RRBP1: variants seen among roughly 807,000 people sequenced by gnomAD.
RRBP1 encodes the protein ribosome binding protein 1.
RRBP1 carries 94 observed loss-of-function variants against 165.2 expected under a neutral mutation model. The observed-to-expected ratio is 0.57, with a 90% CI of 0.48 to 0.68. The LOEUF (loss-of-function observed/expected upper bound fraction) is 0.68. RRBP1 is among the 30% of genes least tolerant of loss of function. The probability of loss-of-function intolerance (pLI) is 0.00; values close to 1 mark genes in which losing one functional copy is unlikely to be tolerated. For synonymous variants in RRBP1, 680 were observed against 714.5 expected (o/e 0.95, Z 0.77); for missense variants, 1,676 against 1,763.0 (o/e 0.95, Z 0.88).
At position 17,660,395 on chromosome 20, in the gene RRBP1, T is replaced by C; in HGVS notation, c.113A>G (p.Tyr38Cys). Residue 38 changes from tyrosine (Y) to cysteine (C), a missense_variant, in exon 3 of 25, where the codon TAT becomes TGT. Tyr to Cys is a radical substitution (Grantham distance 194, BLOSUM62 -2). Coordinates refer to ENST00000377813, the MANE Select transcript of RRBP1 (RefSeq NM_001365613.2). Reference sequence around the variant, plus strand: ...GCGCTGGTTGGCTAGGGCTTCTTCATATGACGTTTCCTTCATGGAGAAAGT... The same window carrying C: ...GCGCTGGTTGGCTAGGGCTTCTTCACATGACGTTTCCTTCATGGAGAAAGT... ...VSTFSMKETS[Y>C]EEALANQRKE... is the part of the protein sequence containing the mutation. 1 of 1,614,202 alleles carries C rather than the reference T, an allele frequency of 6.2e-7. No homozygotes were observed. The highest frequency in any genetic ancestry group is 8.5e-7 in the Non-Finnish European group (1 of 1,180,026).
intron 3 of RRBP1, among the ~76,000 whole-genome samples, chr20:17,646,036 T>C (rs1006686096): frequency 3.9e-5 from 6 of 152,082 alleles, no homozygotes; most frequent in Non-Finnish European, 8.8e-5. Flanking sequence ...CAGACCTCTG[T>C]CTGGCAGGGG....
intron 3 of RRBP1, among the ~76,000 whole-genome samples, chr20:17,650,732 C>T (rs2036541107): frequency 6.6e-6 from 1 of 152,206 alleles, no homozygotes. Context: ...TCAGTCTACG[C>T]CCACACTGTA....
rs1172096266 is a variant in RRBP1, at chr20:17,616,803, C to T, written c.3796G>A (p.Glu1266Lys). 6.2e-7 allele frequency: 1 copy of T among 1,613,394 alleles called. No homozygotes were observed. The highest frequency in any genetic ancestry group is 1.7e-4 in the Middle Eastern group (1 of 6,054). ...GGGGCCCCAGCTATGTCACCATCCT[C>T]TACGTGGCTCTTCATTTCACTCAAC... Reference protein sequence around the residue: ...QQLSEMKSHVEDGDIAGAPAS... With the variant: ...QQLSEMKSHVKDGDIAGAPAS... The change falls in exon 21 of 25, where the codon GAG becomes AAG. Residue 1266 changes from glutamate to lysine, a missense_variant. Physicochemically the swap from Glu to Lys is moderately conservative, Grantham distance 56. Coordinates refer to ENST00000377813, the MANE Select transcript of RRBP1 (RefSeq NM_001365613.2).
At chr20:17,644,912 T>C (rs2036435591) in intron 3 of RRBP1, among the ~76,000 whole-genome samples, 1 of 152,274 alleles carries the variant, frequency 6.6e-6, no homozygotes, top group African/African-American at 2.4e-5. Context: ...CATTTGTTTC[T>C]TGCTGGCCTT....
intron 11 of RRBP1, among the ~76,000 whole-genome samples, chr20:17,626,461 G>T (rs1054877520): frequency 3.3e-5 from 5 of 152,220 alleles, no homozygotes; most frequent in Admixed American, 2.6e-4. Context: ...AAATGCCAGG[G>T]AACATGGGCT....
At chr20:17,638,395 C>T (rs1021651359) in intron 5 of RRBP1, among the ~76,000 whole-genome samples, 13 of 152,222 alleles carry the variant, frequency 8.5e-5, no homozygotes, top group African/African-American at 2.9e-4. Context: ...CTCAGCCCTC[C>T]TCTGCCACCT....
chr20:17,629,857 G>A lies in RRBP1; in HGVS notation c.2715C>T (p.Ala905=), dbSNP rs143484132. The A allele has an allele frequency of 1.3e-4, 202 of 1,599,480 alleles. No individual in the cohort carries two copies. Among genetic ancestry groups the A allele is most frequent in the Non-Finnish European group, 1.6e-4 (185 of 1,179,410 alleles). The change falls in exon 9 of 25, where the codon GCC becomes GCT. Residue 905 remains alanine (A), a synonymous_variant. Transcript: ENST00000377813. ...QSSHASLRAD[A]EKAQEQQQQM... is the part of the protein sequence containing the mutation. Reference sequence around the variant, plus strand: ...GCTGCTGTTGCTCCTGGGCCTTCTCGGCATCCGCCCGGAGGCTGGCGTGGC... The same window carrying A: ...GCTGCTGTTGCTCCTGGGCCTTCTCAGCATCCGCCCGGAGGCTGGCGTGGC...
Position 17,616,028 on chromosome 20 carries a change from C to T in RRBP1, c.3868-19G>A, listed in dbSNP as rs113759416. The stretch of plus-strand genomic sequence containing the variant: ...TCTTCAGCTGTGCAAACACCGCAAA[C>T]ATAACCCGGCAGCCCGGTGAGGAAC... On this transcript the variant is annotated intron_variant, in intron 21 of 24. Transcript: ENST00000377813. The T allele has an allele frequency of 2.6e-3, 4,218 of 1,598,950 alleles. 8 individuals are homozygous for T. Among genetic ancestry groups the T allele is most frequent in the Non-Finnish European group, 3.3e-3 (3,892 of 1,177,542 alleles).
At chr20:17,614,250 G>T (rs1399394301) in intron 24 of RRBP1, 30 bp from the exon 25 acceptor site, 15 of 1,610,248 alleles carry the variant, frequency 9.3e-6, no homozygotes, top group Non-Finnish European at 1.1e-5. Context: ...GCGTGAGGGG[G>T]GCTGGGCCAC....
intron 5 of RRBP1, among the ~76,000 whole-genome samples, chr20:17,638,402 A>G (rs2036286227): frequency 6.6e-6 from 1 of 152,124 alleles, no homozygotes; most frequent in Non-Finnish European, 1.5e-5. Context: ...CTCCTCTGCC[A>G]CCTGGAGACA....
At chr20:17,615,327 G>A (rs981214228) in intron 23 of RRBP1, 104 bp downstream of exon 23, 12 of 890,984 alleles carry the variant, frequency 1.3e-5, no homozygotes, top group Non-Finnish European at 1.9e-5. Context: ...GGCAGGTCCC[G>A]GTGGGGTCGG....
chr20:17,620,313 C>G lies in RRBP1; in HGVS notation c.3565G>C (p.Glu1189Gln). 6.2e-7 allele frequency: 1 copy of G among 1,613,706 alleles called. No homozygotes were observed. The change falls in exon 18 of 25, where the codon GAA becomes CAA. Residue 1189 changes from glutamate to glutamine, a missense_variant. By Grantham distance (29) the Glu-to-Gln change is conservative (BLOSUM62 2). Transcript: ENST00000377813. ...EIVEKLKGEL[E>Q]SSDQVREHTS... ...AGAGCACATACCTGGTCCGAACTTT[C>G]AAGTTCTCCTTTTAGCTTCTCTACA...
At chr20:17,626,687 C>T (rs79272685) in intron 11 of RRBP1, among the ~76,000 whole-genome samples, 1,948 of 152,306 alleles carry the variant, frequency 0.013, 35 homozygotes, top group African/African-American at 0.044. Flanking sequence ...TGGGCATGTG[C>T]TACAGGAGGC....
chr20:17,619,804 C>T, intron 18 of RRBP1, 76 bp from the exon 19 acceptor site: 1 of 1,138,716 alleles, frequency 8.8e-7, no homozygotes, highest in Non-Finnish European at 1.3e-6. Flanking sequence ...AGGGAGCAGG[C>T]TGGCCCTGGG....
intron 19 of RRBP1, 142 bp downstream of exon 19, chr20:17,619,491 G>A: frequency 3.5e-6 from 2 of 572,816 alleles, no homozygotes; most frequent in Non-Finnish European, 5.9e-6. Context: ...AGGGGCCTGT[G>A]AGGCTTCGGG....
chr20:17,616,626 G>A (rs986405993), intron 21 of RRBP1, 106 bp downstream of exon 21: 9 of 726,500 alleles, frequency 1.2e-5, no homozygotes, highest in African/African-American at 1.8e-5. Flanking sequence ...TGGGGAAGCA[G>A]CGGAGGCTGG....
intron 5 of RRBP1, among the ~76,000 whole-genome samples, chr20:17,637,735 C>T (rs1389300869): frequency 1.3e-5 from 2 of 152,212 alleles, no homozygotes; most frequent in Admixed American, 6.5e-5. Flanking sequence ...GCTCCTGGTA[C>T]TCTCTGGGAC....
intron 1 of RRBP1, among the ~76,000 whole-genome samples, chr20:17,680,850 C>G (rs1043195213): frequency 3.9e-5 from 6 of 152,120 alleles, no homozygotes; most frequent in Admixed American, 6.5e-5. Flanking sequence ...CTCCTTCCTA[C>G]AAGTGCTGGG....
At chr20:17,641,071 C>T (rs963481490) in intron 5 of RRBP1, among the ~76,000 whole-genome samples, 33 of 152,160 alleles carry the variant, frequency 2.2e-4, no homozygotes, top group Admixed American at 2.0e-3. Context: ...GGGGGCCCCT[C>T]ACCCTGCCCT....
Sources: allele counts gnomAD v4.1 joint callset (sites outside exome capture counted in the v4.1 genomes callset), GRCh38; gene constraint gnomAD v4.1.1; transcripts MANE v1.5; gene names NCBI Gene and HGNC (gene_info 2026-07-23, HGNC 2026-07-21).